Variants in RBPJ observed in about 807,000 individuals in gnomAD.
RBPJ encodes the protein recombination signal binding protein for immunoglobulin kappa J region, also known as recombining binding protein suppressor of hairless.
Under a neutral mutation model 67.8 loss-of-function variants are expected in RBPJ, and 9 were observed. The observed-to-expected ratio is 0.13, with a 90% CI of 0.08 to 0.23. The LOEUF (loss-of-function observed/expected upper bound fraction) is 0.23, where lower values mean the gene tolerates loss of function less well. RBPJ is among the 10% of genes least tolerant of loss of function. RBPJ has a pLI of 1.00. For synonymous variants in RBPJ, 198 were observed against 203.3 expected (o/e 0.97, Z 0.22); for missense variants, 305 against 595.6 (o/e 0.51, Z 5.08).
Position 26,433,841 on chromosome 4 carries a change from A to C in RBPJ, c.*2834A>C, listed in dbSNP as rs1347507015. The C allele has an allele frequency of 1.3e-5, 2 of 152,192 alleles. No individual in the cohort carries two copies. Among genetic ancestry groups the C allele is most frequent in the African/African-American group, 4.8e-5 (2 of 41,452 alleles). The allele number at this position is 152,192 out of a possible 1,614,324, so 9.4% of individuals were successfully genotyped here. A position where few individuals can be genotyped will look rare whatever the true frequency, so the allele number is the denominator to read the frequency against. ...TATAGTAGACTGTGTGCCCTCCTCCAGTGATGGCATTATTAGACATGCTGG... is the reference window on the plus strand; with the variant it reads ...TATAGTAGACTGTGTGCCCTCCTCCCGTGATGGCATTATTAGACATGCTGG... On this transcript the variant is annotated 3_prime_UTR_variant, in exon 11 of 11. Coordinates refer to ENST00000355476, the MANE Select transcript of RBPJ (RefSeq NM_015874.6).
chr4:26,258,795 T>A (rs202200730), intron 1 of RBPJ, among the ~76,000 whole-genome samples: 25 of 5,172 alleles, frequency 4.8e-3, no homozygotes, highest in Non-Finnish European at 0.033. Flanking sequence ...TTTTTTATTA[T>A]TTATTTATTT....
chr4:26,113,394 G>T, the RBPJ span: 1 of 544,506 alleles, frequency 1.8e-6, no homozygotes. Context: ...ACACACACAG[G>T]AGAGAAACCC....
chr4:26,135,348 T>G, the RBPJ span, among the ~76,000 whole-genome samples: 1 of 151,680 alleles, frequency 6.6e-6, no homozygotes, highest in Admixed American at 6.6e-5. Context: ...TGAAGGAGTG[T>G]GTGTATCCCC....
At chr4:26,362,064 C>T (rs1278574660) in intron 1 of RBPJ, among the ~76,000 whole-genome samples, 1 of 152,188 alleles carries the variant, frequency 6.6e-6, no homozygotes, top group Non-Finnish European at 1.5e-5. Context: ...TCTGCCTAGT[C>T]TATTAATCAG....
intron 1 of RBPJ, among the ~76,000 whole-genome samples, chr4:26,283,936 G>A (rs745493936): frequency 2.6e-5 from 4 of 152,096 alleles, no homozygotes; most frequent in Non-Finnish European, 4.4e-5. Flanking sequence ...GAGCCACCAC[G>A]CCTGGCCTAT....
upstream of RBPJ, chr4:26,320,674 T>G: frequency 2.0e-6 from 3 of 1,477,364 alleles, no homozygotes; most frequent in Non-Finnish European, 2.7e-6. Flanking sequence ...CTCGTCCCCG[T>G]AGTAATCCCC....
intron 1 of RBPJ, among the ~76,000 whole-genome samples, chr4:26,203,004 A>AGGAAGGAAGGAG (rs1280546622): frequency 1.4e-5 from 2 of 147,368 alleles, no homozygotes; most frequent in African/African-American, 4.9e-5. Context: ...GAAGGAAGGA[A>AGGAAGGAAGGAG]GGAAAAAAGA....
At chr4:26,283,359 A>T (rs1240501600) in intron 1 of RBPJ, among the ~76,000 whole-genome samples, 1 of 151,774 alleles carries the variant, frequency 6.6e-6, no homozygotes, top group East Asian at 2.0e-4. Flanking sequence ...AGCCTGGCCA[A>T]GATGGCCAAA....
chr4:26,230,365 T>C (rs1407210411), intron 1 of RBPJ, among the ~76,000 whole-genome samples: 3 of 152,338 alleles, frequency 2.0e-5, no homozygotes, highest in African/African-American at 7.2e-5. Context: ...ATAATAACGA[T>C]AACATCTAAC....
Position 26,210,686 on chromosome 4 carries a change from CCTTT to C in RBPJ, c.-167+47090_-167+47093del, listed in dbSNP as rs1553849146. On this transcript the variant is annotated intron_variant, in intron 1 of 4. Transcript: ENST00000512351. Reference sequence around the variant, plus strand: ...TTTTTCTTTCTTTCTTTCTTTCTTTCCTTTCTTTCTTTCTTTCTTTCCTTCTTTC... The same window carrying C: ...TTTTTCTTTCTTTCTTTCTTTCTTTCCTTTCTTTCTTTCTTTCCTTCTTTC... Among the ~76,000 whole-genome samples the C allele has an allele frequency of 4.6e-4, 30 of 65,434 alleles. 1 individual carries two copies. The highest frequency in any genetic ancestry group is 3.6e-3 in the Admixed American group (23 of 6,336). 42.9% of individuals were successfully genotyped at this position (65,434 alleles called of 152,430 possible).
chr4:26,411,540 A>G (rs888388170), intron 3 of RBPJ, among the ~76,000 whole-genome samples: 45 of 150,214 alleles, frequency 3.0e-4, no homozygotes, highest in African/African-American at 1.1e-3. Context: ...TGGATTTGCT[A>G]CTTCCATCAT....
chr4:26,108,715 A>G, the RBPJ span, among the ~76,000 whole-genome samples: 1 of 152,234 alleles, frequency 6.6e-6, no homozygotes, highest in Non-Finnish European at 1.5e-5. Flanking sequence ...TGGTAAGGGG[A>G]GTGGCCTCTT....
At chr4:26,187,380 C>T (rs990526233) in intron 1 of RBPJ, among the ~76,000 whole-genome samples, 20 of 152,026 alleles carry the variant, frequency 1.3e-4, no homozygotes, top group African/African-American at 4.1e-4. Context: ...CTTTTGTTGA[C>T]CATCTTATTG....
At chr4:26,223,729 C>T (rs1397341292) in intron 1 of RBPJ, among the ~76,000 whole-genome samples, 1 of 152,176 alleles carries the variant, frequency 6.6e-6, no homozygotes, top group African/African-American at 2.4e-5. Context: ...GTGACAGAAG[C>T]ACAGTCTTTC....
the RBPJ span, among the ~76,000 whole-genome samples, chr4:26,106,314 G>A: frequency 6.6e-6 from 1 of 152,250 alleles, no homozygotes; most frequent in East Asian, 1.9e-4. Flanking sequence ...AAAGCTTTGA[G>A]ATGGTTAGTG....
intron 1 of RBPJ, among the ~76,000 whole-genome samples, chr4:26,329,677 G>A (rs1021854156): frequency 1.3e-5 from 2 of 151,982 alleles, no homozygotes; most frequent in African/African-American, 2.4e-5. Context: ...GGCGGATCAC[G>A]AGGTCAGGAA....
At chr4:26,149,793 C>A in the RBPJ span, among the ~76,000 whole-genome samples, 50 of 152,298 alleles carry the variant, frequency 3.3e-4, 1 homozygote, top group Non-Finnish European at 7.3e-5. Flanking sequence ...TCTCTTATAG[C>A]AACACAAACC....
chr4:26,106,450 C>T, the RBPJ span, among the ~76,000 whole-genome samples: 4 of 152,188 alleles, frequency 2.6e-5, no homozygotes, highest in Admixed American at 1.3e-4. Context: ...GCAGATATGT[C>T]AAAATTCTGA....
rs112896480 is a variant in RBPJ at position 26,215,703 on chromosome 4, G to A, written c.-167+52089G>A. ...AGGGTGGCAGATCACACACTCTCAC[G>A]CTAGGGACCCTCCTCAAAGCAGAGA... On this transcript the variant is annotated intron_variant, in intron 1 of 4. Transcript: ENST00000512351. Among the ~76,000 whole-genome samples, 705 of 152,208 alleles carry A rather than the reference G, an allele frequency of 4.6e-3. 5 individuals are homozygous for A. Among genetic ancestry groups the A allele is most frequent in the African/African-American group, 0.016 (656 of 41,534 alleles).
Sources: gnomAD v4.1 joint callset for allele counts (sites outside exome capture counted in the v4.1 genomes callset) on GRCh38, gnomAD v4.1.1 for gene constraint, MANE v1.5 for transcripts, NCBI Gene and HGNC (gene_info 2026-07-23, HGNC 2026-07-21) for gene names.